The following ATP6V0A4 variants were observed in gnomAD, a reference collection of about 807,000 sequenced individuals.
ATP6V0A4 encodes V-type proton ATPase 116 kDa subunit a 4.
Under a neutral mutation model 107.3 loss-of-function variants are expected in ATP6V0A4, and 86 were observed. The observed-to-expected ratio is 0.80, with a 90% confidence interval of 0.67 to 0.96. The LOEUF (loss-of-function observed/expected upper bound fraction) is 0.96, where lower values mean the gene tolerates loss of function less well. Ranked by LOEUF, ATP6V0A4 falls within the 40% of genes least tolerant of loss-of-function variation. The probability of loss-of-function intolerance (pLI) is 0.00; values close to 1 mark genes in which losing one functional copy is unlikely to be tolerated. For synonymous variants in ATP6V0A4, 353 were observed against 381.4 expected (o/e 0.93, Z 0.87); for missense variants, 908 against 1,045.6 (o/e 0.87, Z 1.81).
intron 18 of ATP6V0A4, among the ~76,000 whole-genome samples, chr7:138,727,987 T>C (rs1178215791): frequency 6.6e-6 from 1 of 152,178 alleles, no homozygotes; most frequent in South Asian, 2.1e-4. Context: ...ACTGACCTAA[T>C]TGAATTTGTT....
chr7:138,769,531 C>T (rs1414239862), intron 3 of ATP6V0A4, among the ~76,000 whole-genome samples: 6 of 151,954 alleles, frequency 3.9e-5, no homozygotes, highest in African/African-American at 1.4e-4. Flanking sequence ...GCCAGGCTGG[C>T]CTCAAGCTCC....
intron 17 of ATP6V0A4, among the ~76,000 whole-genome samples, chr7:138,730,954 A>G (rs1394851974): frequency 1.0e-5 from 1 of 98,420 alleles, no homozygotes; most frequent in Admixed American, 1.2e-4. Context: ...TTTTTTTGAG[A>G]CAGAGTTTTG....
At chr7:138,715,349 C>T (rs1357879620) in intron 20 of ATP6V0A4, among the ~76,000 whole-genome samples, 4 of 152,152 alleles carry the variant, frequency 2.6e-5, no homozygotes, top group Non-Finnish European at 5.9e-5. Flanking sequence ...TACAGGCACC[C>T]GCCACCATGC....
At chr7:138,731,018 C>T (rs1054982818) in intron 17 of ATP6V0A4, among the ~76,000 whole-genome samples, 11 of 149,164 alleles carry the variant, frequency 7.4e-5, no homozygotes, top group Non-Finnish European at 1.6e-4. Flanking sequence ...ACTGCAACCT[C>T]TGCCTCTCAG....
At chr7:138,717,898 ACT>A (rs1256913765) in intron 19 of ATP6V0A4, among the ~76,000 whole-genome samples, 2 of 113,488 alleles carry the variant, frequency 1.8e-5, no homozygotes, top group East Asian at 2.6e-4. Context: ...ACACAGTGAG[ACT>A]CTGTCTCGGA....
chr7:138,722,924 A>G (rs1390398395), intron 18 of ATP6V0A4, among the ~76,000 whole-genome samples: 2 of 147,068 alleles, frequency 1.4e-5, no homozygotes, highest in East Asian at 2.1e-4. Context: ...TGGGCATGGT[A>G]GCACATGCCT....
chr7:138,777,057 G>A (rs928774234), intron 2 of ATP6V0A4, among the ~76,000 whole-genome samples: 2 of 151,888 alleles, frequency 1.3e-5, no homozygotes, highest in African/African-American at 2.4e-5. Flanking sequence ...GCTGAGGCAC[G>A]AGAATCGCTT....
At chr7:138,713,280 G>GAA (rs10673617) in intron 20 of ATP6V0A4, among the ~76,000 whole-genome samples, 24,719 of 120,426 alleles carry the variant, frequency 0.21, 2,740 homozygotes, top group African/African-American at 0.31. Flanking sequence ...ACTCCAGCCT[G>GAA]AAAAAAAAAA....
intron 5 of ATP6V0A4, 187 bp from the exon 6 acceptor site, chr7:138,763,212 C>A (rs1330430076): frequency 3.0e-6 from 1 of 337,334 alleles, no homozygotes; most frequent in African/African-American, 2.2e-5. Flanking sequence ...CACACACACA[C>A]GTGCATGCTC....
At chr7:138,746,000 A>AT (rs1805924687) in intron 13 of ATP6V0A4, among the ~76,000 whole-genome samples, 1 of 89,352 alleles carries the variant, frequency 1.1e-5, no homozygotes. Context: ...TATAAATATA[A>AT]ATAATATATA....
chr7:138,746,035 T>TA (rs1370227962), intron 13 of ATP6V0A4, among the ~76,000 whole-genome samples: 13 of 141,258 alleles, frequency 9.2e-5, no homozygotes, highest in Admixed American at 4.5e-4. Flanking sequence ...TATATATTTA[T>TA]AATATATATT....
At chr7:138,768,958 T>C in intron 4 of ATP6V0A4, 84 bp from the exon 5 acceptor site, 1 of 1,589,892 alleles carries the variant, frequency 6.3e-7, no homozygotes, top group Non-Finnish European at 8.6e-7. Context: ...GACATGTGCC[T>C]TTCACTCAGC....
At chr7:138,724,644 C>T (rs1804616215) in intron 18 of ATP6V0A4, among the ~76,000 whole-genome samples, 2 of 152,138 alleles carry the variant, frequency 1.3e-5, no homozygotes, top group African/African-American at 2.4e-5. Flanking sequence ...TGGGGAGGGA[C>T]GTGGCTCAAG....
chr7:138,775,241 G>A (rs1370195635), intron 2 of ATP6V0A4, among the ~76,000 whole-genome samples: 1 of 151,986 alleles, frequency 6.6e-6, no homozygotes, highest in Non-Finnish European at 1.5e-5. Flanking sequence ...GTTCATGAAT[G>A]TTCTATCATC....
intron 19 of ATP6V0A4, among the ~76,000 whole-genome samples, chr7:138,719,762 G>A (rs1236219505): frequency 6.6e-6 from 1 of 152,212 alleles, no homozygotes; most frequent in African/African-American, 2.4e-5. Context: ...GCTCACGCCT[G>A]TAATCTCAGC....
At position 138,798,069 on chromosome 7, in the gene ATP6V0A4, G is replaced by A; in HGVS notation, c.-156C>T. Reference sequence around the variant, plus strand: ...CACTCGGCACAACTCCGCAGGACCGGCTCACCTGCACCGGGCACTCAGCAC... The same window carrying A: ...CACTCGGCACAACTCCGCAGGACCGACTCACCTGCACCGGGCACTCAGCAC... On this transcript the variant is annotated 5_prime_UTR_variant, in exon 1 of 22. Coordinates refer to ENST00000310018, the MANE Select transcript of ATP6V0A4 (RefSeq NM_020632.3). The A allele has an allele frequency of 6.4e-7, 1 of 1,572,996 alleles. No homozygotes were observed. The highest frequency in any genetic ancestry group is 8.6e-7 in the Non-Finnish European group (1 of 1,159,718).
chr7:138,764,956 C>G (rs1175666715), intron 5 of ATP6V0A4: 1 of 152,702 alleles, frequency 6.5e-6, no homozygotes, highest in African/African-American at 2.4e-5. Context: ...CCAGGCCCGG[C>G]TAATTTTTTT....
intron 15 of ATP6V0A4, among the ~76,000 whole-genome samples, chr7:138,738,556 A>G (rs1805462473): frequency 6.6e-6 from 1 of 152,214 alleles, no homozygotes; most frequent in African/African-American, 2.4e-5. Context: ...AGTTTTTAGC[A>G]CTTTGCAACT....
At chr7:138,769,147 G>GAAAA in intron 4 of ATP6V0A4, 26 bp downstream of exon 4, 1 of 1,561,624 alleles carries the variant, frequency 6.4e-7, no homozygotes, top group Non-Finnish European at 8.7e-7. Flanking sequence ...TGAACAGTAA[G>GAAAA]AAAAAAAAAA....
Sources: allele counts gnomAD v4.1 joint callset (sites outside exome capture counted in the v4.1 genomes callset), GRCh38; gene constraint gnomAD v4.1.1; transcripts MANE v1.5; gene names NCBI Gene and HGNC (gene_info 2026-07-23, HGNC 2026-07-21).